The following CRYBG2 variants were observed in gnomAD, a reference collection of about 807,000 sequenced individuals.
CRYBG2 encodes beta/gamma crystallin domain-containing protein 2.
Under a neutral mutation model 153.4 loss-of-function variants are expected in CRYBG2, and 106 were observed. The ratio of observed to expected loss-of-function variants is 0.69; its 90% CI spans 0.59 to 0.81. The LOEUF is 0.81. Among genes scored for constraint, CRYBG2 ranks in the 30% least tolerant of loss-of-function variants. CRYBG2 has a pLI of 0.00. For synonymous variants in CRYBG2, 851 were observed against 877.8 expected (o/e 0.97, Z 0.54); for missense variants, 1,996 against 2,112.0 (o/e 0.95, Z 1.08).
Position 26,322,342 on chromosome 1 carries a change from A to C in CRYBG2, c.4738-19T>G. ...GGGCCATCTGAGGCCCCAGGAGGTC[A>C]TCAGGCATTGTTCCTCCCCACAGGG... On this transcript the variant is annotated intron_variant, in intron 18 of 19. Coordinates refer to ENST00000308182, the MANE Select transcript of CRYBG2 (RefSeq NM_001039775.4). The C allele has an allele frequency of 6.9e-6, 11 of 1,603,568 alleles. No individual in the cohort carries two copies. The highest frequency in any genetic ancestry group is 9.4e-6 in the Non-Finnish European group (11 of 1,174,608).
At chr1:26,324,402 C>T in intron 17 of CRYBG2, 92 bp from the exon 18 acceptor site, 2 of 1,326,858 alleles carry the variant, frequency 1.5e-6, no homozygotes, top group Non-Finnish European at 2.0e-6. Flanking sequence ...CAGTATCAGG[C>T]TCCCAAGCCC....
chr1:26,343,817 C>T lies in CRYBG2; in HGVS notation c.2841G>A (p.Gln947=). The T allele has an allele frequency of 6.9e-7, 1 of 1,455,408 alleles. No individual in the cohort carries two copies. Among genetic ancestry groups the T allele is most frequent in the Admixed American group, 2.8e-5 (1 of 35,908 alleles). The allele number at this position is 1,455,408 out of a possible 1,614,324, so 90.2% of individuals were successfully genotyped here. Residue 947 remains glutamine, a synonymous_variant, in exon 2 of 20, where the codon CAG becomes CAA. Transcript: ENST00000308182. This position sits in a 1 kb window ranked among gnomAD's most constrained non-coding sequence, Gnocchi z 4.1. ...ATCTTTCACTGCAAAGCAGGGGCAA[C>T]TGTCCTGGCACCTTCCTGAGCCCCG... ...GAPGLRKVPG[Q]LPLLCSERSS... is the part of the protein sequence containing the mutation.
In CRYBG2 at chr1:26,344,427, T is replaced by G; in HGVS notation, c.2231A>C (p.Glu744Ala). The change falls in exon 2 of 20, where the codon GAG becomes GCG. Residue 744 changes from glutamate (E) to alanine (A), a missense_variant. Glu to Ala is a moderately radical substitution (Grantham distance 107, BLOSUM62 -1). Transcript: ENST00000308182. ...TGATGTCTCTGTGCACGTCTTGCCC[T>G]CGGTGGGATCAGAGACAAGCTGGGA... Reference protein sequence around the residue: ...TESQLVSDPTEGKTCTETSRE... With the variant: ...TESQLVSDPTAGKTCTETSRE... The G allele has an allele frequency of 6.6e-7, 1 of 1,523,730 alleles. No individual in the cohort carries two copies. The highest frequency in any genetic ancestry group is 8.8e-7 in the Non-Finnish European group (1 of 1,132,192). The allele number at this position is 1,523,730 out of a possible 1,614,324, so 94.4% of individuals were successfully genotyped here. A position where few individuals can be genotyped will look rare whatever the true frequency, so the allele number is the denominator to read the frequency against.
Position 26,346,463 on chromosome 1 carries a change from G to C in CRYBG2, c.195C>G (p.Val65=). Residue 65 remains valine (V), a synonymous_variant, in exon 2 of 20, where the codon GTC becomes GTG. Coordinates refer to ENST00000308182, the MANE Select transcript of CRYBG2 (RefSeq NM_001039775.4). This position sits in a 1 kb window ranked among gnomAD's most constrained non-coding sequence, Gnocchi z 4.9. ...CTTCTTCCTGTGTTGCAAAGCCATTGACTTCCACTTCCTCTCGACGGCTGA... is the reference window on the plus strand; with the variant it reads ...CTTCTTCCTGTGTTGCAAAGCCATTCACTTCCACTTCCTCTCGACGGCTGA... The part of the protein sequence containing the change: ...FEFSRREEVE[V]NGFATQEEET... 1 of 1,607,690 alleles carries C rather than the reference G, an allele frequency of 6.2e-7. No homozygotes were observed. Among genetic ancestry groups the C allele is most frequent in the East Asian group, 2.2e-5 (1 of 44,878 alleles).
At chr1:26,331,748 A>G (rs748202713) in intron 14 of CRYBG2, 130 bp from the exon 15 acceptor site, 51 of 1,238,002 alleles carry the variant, frequency 4.1e-5, no homozygotes, top group Non-Finnish European at 5.5e-5. Flanking sequence ...TGGGATGAAC[A>G]GGCACTACAG....
Position 26,343,677 on chromosome 1 carries a change from T to C in CRYBG2, c.2913+68A>G. 1 of 1,427,622 alleles carries C rather than the reference T, an allele frequency of 7.0e-7. No individual in the cohort carries two copies. The highest frequency in any genetic ancestry group is 9.2e-7 in the Non-Finnish European group (1 of 1,087,810). The allele number at this position is 1,427,622 out of a possible 1,614,324, so 88.4% of individuals were successfully genotyped here. On this transcript the variant is annotated intron_variant, in intron 2 of 19. Coordinates refer to ENST00000308182, the MANE Select transcript of CRYBG2 (RefSeq NM_001039775.4). The surrounding 1 kb of genome is among the most constrained non-coding windows in gnomAD (Gnocchi z 4.1). ...ACTCTGACTCCCAGCACCACTCTCT[T>C]CACACCACTCAAGCCTTGACCCAGG...
rs900372500 is a variant in CRYBG2 at position 26,336,267 on chromosome 1, G to A, written c.4072-60C>T. 1.3e-6 allele frequency: 2 copies of A among 1,599,764 alleles called. No individual in the cohort carries two copies. The highest frequency in any genetic ancestry group is 4.5e-5 in the East Asian group (2 of 44,194). On this transcript the variant is annotated intron_variant, in intron 13 of 19. Transcript: ENST00000308182. This position sits in a 1 kb window ranked among gnomAD's most constrained non-coding sequence, Gnocchi z 4.9. Reference sequence around the variant, plus strand: ...ACGATGGAGTGGGGCCGAGAACAGCGGGGAGGGGAAAGGTCCGAAATGAGG... The same window carrying A: ...ACGATGGAGTGGGGCCGAGAACAGCAGGGAGGGGAAAGGTCCGAAATGAGG...
intron 14 of CRYBG2, among the ~76,000 whole-genome samples, 188 bp downstream of exon 14, chr1:26,335,907 T>C (rs1254679982): frequency 6.6e-6 from 1 of 152,154 alleles, no homozygotes; most frequent in Non-Finnish European, 1.5e-5. Context: ...GGAAACAAGA[T>C]TTATCTTTAT....
At position 26,351,332 on chromosome 1, in the gene CRYBG2, C is replaced by T. The variant is rs149955349; in HGVS notation, c.-56+2704G>A. Among the ~76,000 whole-genome samples, 291 of 152,326 alleles carry T rather than the reference C, an allele frequency of 1.9e-3. 2 individuals are homozygous for T. Among genetic ancestry groups the T allele is most frequent in the African/African-American group, 6.2e-3 (259 of 41,570 alleles). On this transcript the variant is annotated intron_variant, in intron 1 of 19. Coordinates refer to ENST00000308182, the MANE Select transcript of CRYBG2 (RefSeq NM_001039775.4). The stretch of plus-strand genomic sequence containing the variant: ...CCCTGTCCACCTGCCTTCCACTCTC[C>T]GAGCTTCCTTGTCTCTGATGGTGCT...
intron 14 of CRYBG2, among the ~76,000 whole-genome samples, chr1:26,334,696 G>C (rs2124700788): frequency 6.6e-6 from 1 of 151,992 alleles, no homozygotes; most frequent in East Asian, 1.9e-4. Context: ...AGGCCGAGGG[G>C]GGCGGATCAT....
At position 26,346,703 on chromosome 1, in the gene CRYBG2, G is replaced by A. The variant is rs766425482; in HGVS notation, c.-46C>T. Reference sequence around the variant, plus strand: ...CTGGAGGTGTCCTTGTCCCACTGTGGTCCAGCTCCCTGCAGAGGAATAAGA... The same window carrying A: ...CTGGAGGTGTCCTTGTCCCACTGTGATCCAGCTCCCTGCAGAGGAATAAGA... On this transcript the variant is annotated 5_prime_UTR_variant, in exon 2 of 20. Transcript: ENST00000308182. The surrounding 1 kb of genome is among the most constrained non-coding windows in gnomAD (Gnocchi z 4.9). The A allele has an allele frequency of 6.8e-7, 1 of 1,471,120 alleles. No individual in the cohort carries two copies. The highest frequency in any genetic ancestry group is 1.4e-5 in the South Asian group (1 of 71,414). The allele number at this position is 1,471,120 out of a possible 1,614,324, so 91.1% of individuals were successfully genotyped here. A position where few individuals can be genotyped will look rare whatever the true frequency, so the allele number is the denominator to read the frequency against.
In CRYBG2 at chr1:26,344,878, G is replaced by A. The variant is rs769324912; in HGVS notation, c.1780C>T (p.Pro594Ser). The A allele has an allele frequency of 2.1e-5, 32 of 1,531,914 alleles. No homozygotes were observed. The highest frequency in any genetic ancestry group is 2.8e-5 in the Non-Finnish European group (32 of 1,145,840). The allele number at this position is 1,531,914 out of a possible 1,614,324, so 94.9% of individuals were successfully genotyped here. The part of the protein sequence containing the change: ...KGPGAPAASS[P>S]TQKEVVKGPC... ...CCCTTCACAACCTCTTTCTGGGTGG[G>A]CGATGAGGCAGCAGGAGCACCAGGG... The change falls in exon 2 of 20, where the codon CCC becomes TCC. Residue 594 changes from proline to serine, a missense_variant. By Grantham distance (74) the Pro-to-Ser change is moderately conservative. Coordinates refer to ENST00000308182, the MANE Select transcript of CRYBG2 (RefSeq NM_001039775.4).
intron 1 of CRYBG2, among the ~76,000 whole-genome samples, chr1:26,349,917 C>G (rs2074269162): frequency 6.8e-6 from 1 of 147,142 alleles, no homozygotes; most frequent in African/African-American, 2.5e-5. Flanking sequence ...TGGGCCCAAA[C>G]AGTCCTCCCA....
chr1:26,338,146 T>A, intron 7 of CRYBG2, 99 bp from the exon 8 acceptor site: 1 of 1,493,672 alleles, frequency 6.7e-7, no homozygotes, highest in Non-Finnish European at 9.1e-7. Context: ...CCCAACCCCA[T>A]GTCTTCCCTT....
intron 18 of CRYBG2, among the ~76,000 whole-genome samples, chr1:26,323,078 T>C (rs2073878682): frequency 8.2e-6 from 1 of 121,822 alleles, no homozygotes; most frequent in Non-Finnish European, 1.8e-5. Flanking sequence ...TGATACTTTC[T>C]ATTCTCCTTT....
chr1:26,341,323 A>G (rs572468588), intron 5 of CRYBG2, among the ~76,000 whole-genome samples: 1 of 152,078 alleles, frequency 6.6e-6, no homozygotes, highest in Non-Finnish European at 1.5e-5. Context: ...CCTGGGCAAC[A>G]GAGCGAGACT....
chr1:26,344,316 C>T lies in CRYBG2; in HGVS notation c.2342G>A (p.Arg781His), dbSNP rs1207251621. ...AGGGGCTCGTGGCAGCCGGTGAGTG[C>T]GGAGGATCTCAGGGGGCTCCATGCT... ...LRSMEPPEIL[R>H]THRLPRAPRS... Residue 781 changes from arginine (R) to histidine (H), a missense_variant, in exon 2 of 20, where the codon CGC (arginine) becomes CAC (histidine). By Grantham distance (29) the Arg-to-His change is conservative (BLOSUM62 0). Coordinates refer to ENST00000308182, the MANE Select transcript of CRYBG2 (RefSeq NM_001039775.4). The T allele has an allele frequency of 3.7e-5, 55 of 1,505,876 alleles. No individual in the cohort carries two copies. In the East Asian group the frequency reaches 1.1e-3, roughly 30 times the overall value. The allele number at this position is 1,505,876 out of a possible 1,614,324, so 93.3% of individuals were successfully genotyped here.
chr1:26,337,759 T>C, intron 8 of CRYBG2, 85 bp from the exon 9 acceptor site: 1 of 1,539,626 alleles, frequency 6.5e-7, no homozygotes, highest in Non-Finnish European at 8.8e-7. Flanking sequence ...ATCAGGCCAA[T>C]GTGGCACCCC....
rs748176173 is a variant in CRYBG2, at chr1:26,346,267, C to T, written c.391G>A (p.Glu131Lys). The change falls in exon 2 of 20, where the codon GAG becomes AAG. Residue 131 changes from glutamate to lysine, a missense_variant. Physicochemically the swap from Glu to Lys is moderately conservative, Grantham distance 56. Transcript: ENST00000308182. The surrounding 1 kb of genome is among the most constrained non-coding windows in gnomAD (Gnocchi z 4.9). ...GCCATAGCTCCCACACATGGGGGCT[C>T]AGTCCTGGGAGCTTGGCGGCTGCCA... ...SDGSRQAPRT[E>K]PPCVGAMART... 1.9e-6 allele frequency: 3 copies of T among 1,588,636 alleles called. No homozygotes were observed. The highest frequency in any genetic ancestry group is 2.6e-6 in the Non-Finnish European group (3 of 1,173,234).
Sources: allele counts gnomAD v4.1 joint callset (sites outside exome capture counted in the v4.1 genomes callset), GRCh38; gene constraint gnomAD v4.1.1; non-coding constraint Gnocchi (gnomAD v3.1); transcripts MANE v1.5; gene names NCBI Gene and HGNC (gene_info 2026-07-23, HGNC 2026-07-21).